The following TANC1 variants were observed in gnomAD, a reference collection of about 807,000 sequenced individuals.
TANC1 encodes the protein protein TANC1.
In TANC1, 77 loss-of-function variants were observed where a neutral mutation model predicts 149.7. That is an observed-to-expected ratio of 0.51 (90% CI 0.43 to 0.62). The LOEUF (loss-of-function observed/expected upper bound fraction) is 0.62, where lower values mean the gene tolerates loss of function less well. Among genes scored for constraint, TANC1 ranks in the 20% least tolerant of loss-of-function variants. The probability of loss-of-function intolerance (pLI) is 0.00; values close to 1 mark genes in which losing one functional copy is unlikely to be tolerated. For missense variants in TANC1, 1,985 were observed against 2,321.8 expected (o/e 0.85, Z 2.98); for synonymous variants, 854 against 925.0 (o/e 0.92, Z 1.39).
chr2:159,160,760 C>T (rs1055855535), intron 7 of TANC1, among the ~76,000 whole-genome samples: 4 of 152,318 alleles, frequency 2.6e-5, no homozygotes, highest in East Asian at 1.9e-4. Context: ...CGTGGAATGC[C>T]TCTCTCACAG....
In TANC1 at chr2:159,176,344, T is replaced by C. The variant is rs1378184770; in HGVS notation, c.1736-8T>C. 7 of 1,477,708 alleles carry C rather than the reference T, an allele frequency of 4.7e-6. No individual in the cohort carries two copies. The highest frequency in any genetic ancestry group is 6.4e-6 in the Non-Finnish European group (7 of 1,097,226). 91.5% of individuals were successfully genotyped at this position (1,477,708 alleles called of 1,614,324 possible). ...TTCTTAATTTGAAAAAATTATTTTA[T>C]CCTGTAGAGCAGAAAATTCCTGAAG... On this transcript the variant is annotated splice_polypyrimidine_tract_variant and splice_region_variant and intron_variant, in intron 12 of 26. Transcript: ENST00000263635.
intron 22 of TANC1, among the ~76,000 whole-genome samples, chr2:159,222,059 G>A (rs183484596): frequency 3.3e-5 from 5 of 152,250 alleles, no homozygotes; most frequent in African/African-American, 7.2e-5. Flanking sequence ...AGAAGGCAGC[G>A]CTGTCAGAGT....
chr2:159,048,807 T>G (rs184311129), intron 2 of TANC1, among the ~76,000 whole-genome samples: 3 of 152,336 alleles, frequency 2.0e-5, no homozygotes, highest in African/African-American at 7.2e-5. Flanking sequence ...CTACTGAAGT[T>G]TTTTGTAGAG....
At position 158,995,248 on chromosome 2, in the gene TANC1, C is replaced by T. The variant is rs572406759; in HGVS notation, c.-125-5832C>T. Among the ~76,000 whole-genome samples, 82 of 152,164 alleles carry T rather than the reference C, an allele frequency of 5.4e-4. 1 individual carries two copies. The highest frequency in any genetic ancestry group is 2.0e-3 in the African/African-American group (81 of 41,520). ...TCTTGAAGGTGGCTGGCTGGGGGGG[C>T]GCTCAGTTTTGTGTATTGAAAATTG... is the stretch of plus-strand genomic sequence containing the variant. On this transcript the variant is annotated intron_variant, in intron 1 of 26. Coordinates refer to ENST00000263635, the MANE Select transcript of TANC1 (RefSeq NM_033394.3).
chr2:159,034,543 T>C (rs925585395), intron 2 of TANC1, among the ~76,000 whole-genome samples: 1 of 152,190 alleles, frequency 6.6e-6, no homozygotes, highest in Non-Finnish European at 1.5e-5. Context: ...GAGATTCTCA[T>C]GGGCCATGGG....
rs748192626 is a variant in TANC1, at chr2:159,230,579, C to A, written c.5153C>A (p.Pro1718His). 3 of 1,613,986 alleles carry A rather than the reference C, an allele frequency of 1.9e-6. No individual in the cohort carries two copies. In the African/African-American group the frequency reaches 4.0e-5, roughly 22 times the overall value. The change falls in exon 27 of 27, where the codon CCC becomes CAC. Residue 1718 changes from proline to histidine, a missense_variant. Around this residue, in one of 3 missense-constraint regions of TANC1, gnomAD observed 920 missense variants for 994.7 expected, o/e 0.92. Transcript: ENST00000263635. The surrounding 1 kb of genome is among the most constrained non-coding windows in gnomAD (Gnocchi z 4.4). ...HVQSGTAEHRPRNTPFMGIMD... is the reference protein window; with the variant it reads ...HVQSGTAEHRHRNTPFMGIMD... ...CAGAGCGGTACAGCTGAGCACAGAC[C>A]CCGCAACACGCCGTTCATGGGCATC... is the stretch of plus-strand genomic sequence containing the variant.
At chr2:159,094,448 C>A (rs183013160) in intron 3 of TANC1, among the ~76,000 whole-genome samples, 1 of 152,130 alleles carries the variant, frequency 6.6e-6, no homozygotes, top group Non-Finnish European at 1.5e-5. Flanking sequence ...TGCTTGCATT[C>A]TCAGTGTGAG....
chr2:159,170,764 T>A lies in TANC1; in HGVS notation c.1310T>A (p.Met437Lys), dbSNP rs1310670940. Residue 437 changes from methionine to lysine, a missense_variant, in exon 10 of 27, where the codon ATG becomes AAG. This residue lies in a region of TANC1 where 557 missense variants were observed against 612.9 expected (regional missense o/e 0.91). Coordinates refer to ENST00000263635, the MANE Select transcript of TANC1 (RefSeq NM_033394.3). ...GCCCTGAGCTGCCACGGAAGCCGCA[T>A]GAGGCAGATTGCTTCCAACAGCCCG... ...LVALSCHGSR[M>K]RQIASNSPGS... is the part of the protein sequence containing the mutation. 6.2e-7 allele frequency: 1 copy of A among 1,614,232 alleles called. No individual in the cohort carries two copies. The highest frequency in any genetic ancestry group is 8.5e-7 in the Non-Finnish European group (1 of 1,180,038).
At chr2:159,126,188 G>C (rs895250089) in intron 4 of TANC1, among the ~76,000 whole-genome samples, 9 of 152,188 alleles carry the variant, frequency 5.9e-5, no homozygotes, top group African/African-American at 1.9e-4. Context: ...GTTTGATTCA[G>C]TAATGAGGGG....
intron 4 of TANC1, among the ~76,000 whole-genome samples, chr2:159,106,602 T>C (rs958418711): frequency 2.0e-5 from 3 of 152,236 alleles, no homozygotes; most frequent in Non-Finnish European, 4.4e-5. Context: ...TGTTTCCACA[T>C]TGGCTATTTA....
chr2:159,093,991 G>A (rs1243498805), intron 3 of TANC1, among the ~76,000 whole-genome samples: 1 of 152,106 alleles, frequency 6.6e-6, no homozygotes, highest in Admixed American at 6.5e-5. Flanking sequence ...TGTCATGTTG[G>A]AGAATTATAA....
chr2:159,162,993 C>T (rs1575039812), intron 7 of TANC1, among the ~76,000 whole-genome samples: 2 of 152,186 alleles, frequency 1.3e-5, no homozygotes, highest in Non-Finnish European at 2.9e-5. Flanking sequence ...CTCCAGGTTA[C>T]ATAATTTTAC....
At chr2:159,004,248 A>G in intron 2 of TANC1, 4 of 1,612,132 alleles carry the variant, frequency 2.5e-6, no homozygotes, top group Non-Finnish European at 1.7e-6. Context: ...ACCAGAAGAC[A>G]TTGATGAGGA....
Position 159,174,487 on chromosome 2 carries a change from A to G in TANC1, c.1504-466A>G, listed in dbSNP as rs1409188819. ...CTGACCAGGAGAAGGAGCTGCTGTG[A>G]CTCTACAGCCCCGGTCTCACAGCCA... is the stretch of plus-strand genomic sequence containing the variant. On this transcript the variant is annotated intron_variant, in intron 11 of 26. Coordinates refer to ENST00000263635, the MANE Select transcript of TANC1 (RefSeq NM_033394.3). 4.6e-5 allele frequency among the ~76,000 whole-genome samples: 7 copies of G among 152,002 alleles called. No homozygotes were observed. In the South Asian group the frequency reaches 1.5e-3, roughly 32 times the overall value.
At chr2:159,101,950 G>A (rs924412899) in intron 4 of TANC1, among the ~76,000 whole-genome samples, 7 of 152,110 alleles carry the variant, frequency 4.6e-5, no homozygotes, top group Admixed American at 4.6e-4. Context: ...CGCTTCTGCC[G>A]ATTCCAGTTC....
intron 3 of TANC1, among the ~76,000 whole-genome samples, chr2:159,088,748 A>G (rs973465227): frequency 2.0e-5 from 3 of 152,174 alleles, no homozygotes; most frequent in Non-Finnish European, 4.4e-5. Flanking sequence ...GCCCAAGACA[A>G]TTCTTCTTCC....
intron 3 of TANC1, among the ~76,000 whole-genome samples, chr2:159,070,541 A>G (rs1227250507): frequency 6.6e-6 from 1 of 152,206 alleles, no homozygotes; most frequent in African/African-American, 2.4e-5. Flanking sequence ...ATGGCTCTAA[A>G]AATCCTGTGT....
chr2:159,042,705 A>G (rs2040747027), intron 2 of TANC1, among the ~76,000 whole-genome samples: 1 of 151,990 alleles, frequency 6.6e-6, no homozygotes, highest in Non-Finnish European at 1.5e-5. Flanking sequence ...TTTGAGCTGT[A>G]CCTGGAGGAT....
chr2:159,069,029 C>T (rs568582314), intron 3 of TANC1, among the ~76,000 whole-genome samples: 3 of 152,310 alleles, frequency 2.0e-5, no homozygotes, highest in African/African-American at 7.2e-5. Flanking sequence ...ATATGAGCCA[C>T]TGCGCCCAGC....
Sources: gnomAD v4.1 joint callset for allele counts (sites outside exome capture counted in the v4.1 genomes callset) on GRCh38, gnomAD v4.1.1 for gene constraint, gnomAD v4.1.1 regional missense constraint, Gnocchi (gnomAD v3.1) non-coding constraint, MANE v1.5 for transcripts, NCBI Gene and HGNC (gene_info 2026-07-23, HGNC 2026-07-21) for gene names.